OTOP2: variants seen among roughly 807,000 people sequenced by gnomAD.
OTOP2 encodes the protein otopetrin 2.
Under a neutral mutation model 47.4 loss-of-function variants are expected in OTOP2, and 41 were observed. The observed-to-expected ratio is 0.87, with a 90% CI of 0.67 to 1.12. OTOP2 has a LOEUF of 1.12. Among genes scored for constraint, OTOP2 ranks in the 50% most tolerant of loss-of-function variants. The probability of loss-of-function intolerance (pLI) is 0.00; values close to 1 mark genes in which losing one functional copy is unlikely to be tolerated. For synonymous variants in OTOP2, 328 were observed against 319.6 expected (o/e 1.03, Z -0.28); for missense variants, 721 against 752.2 (o/e 0.96, Z 0.49).
chr17:74,926,563 G>GA (rs779592267), intron 3 of OTOP2, among the ~76,000 whole-genome samples: 3,360 of 134,510 alleles, frequency 0.025, 105 homozygotes, highest in African/African-American at 0.077. Context: ...CTTGCTCCCA[G>GA]AAAAAAAAAA....
intron 5 of OTOP2, 90 bp downstream of exon 5, chr17:74,927,888 T>G: frequency 2.0e-6 from 3 of 1,489,542 alleles, no homozygotes; most frequent in Non-Finnish European, 2.7e-6. Context: ...TGTGCCCTCA[T>G]GAGGGCATAG....
chr17:74,931,016 C>A lies in OTOP2; in HGVS notation c.1381C>A (p.Pro461Thr). 1 of 1,614,184 alleles carries A rather than the reference C, an allele frequency of 6.2e-7. No individual in the cohort carries two copies. ...TGCCCTCCACACGTTGTCCGCCTGC[C>A]CACCCAACCCCGGGCTGGTTAGCCC... is the stretch of plus-strand genomic sequence containing the variant. The part of the protein sequence containing the change: ...LDALHTLSAC[P>T]PNPGLVSPSP... The change falls in exon 6 of 7, where the codon CCA becomes ACA. Residue 461 changes from proline (P) to threonine (T), a missense_variant. By Grantham distance (38) the Pro-to-Thr change is conservative. Transcript: ENST00000331427.
rs960100612 is a variant in OTOP2 at position 74,932,171 on chromosome 17, G to GA, written c.1518+1025dup. ...TACCTATGTGGGTACATCTCAAAGA[G>GA]AAAAAAACAATTCTAATGAAGTTTC... On this transcript the variant is annotated intron_variant, in intron 6 of 6. Coordinates refer to ENST00000331427, the MANE Select transcript of OTOP2 (RefSeq NM_178160.3). 1.6e-3 allele frequency among the ~76,000 whole-genome samples: 237 copies of GA among 152,028 alleles called. 3 individuals are homozygous for GA. The highest frequency in any genetic ancestry group is 6.2e-4 in the Non-Finnish European group (42 of 67,968).
chr17:74,928,278 G>A (rs926496111), intron 5 of OTOP2, among the ~76,000 whole-genome samples: 1 of 152,094 alleles, frequency 6.6e-6, no homozygotes, highest in African/African-American at 2.4e-5. Flanking sequence ...CTGGGAGGTC[G>A]AGACTGCAGT....
In OTOP2 at chr17:74,933,640, T is replaced by C. The variant is rs927299684; in HGVS notation, c.*95T>C. On this transcript the variant is annotated 3_prime_UTR_variant, in exon 7 of 7. Transcript: ENST00000331427. This position sits in a 1 kb window ranked among gnomAD's most constrained non-coding sequence, Gnocchi z 4.7. ...GGAATGAATCCCAGCTGGTGCCATA[T>C]GACAGCCCATTTCCTTCTGGTCCCA... 4 of 1,338,482 alleles carry C rather than the reference T, an allele frequency of 3.0e-6. 1 individual carries two copies. The Admixed American group carries it at 7.1e-5, about 24-fold the overall frequency. 82.9% of individuals were successfully genotyped at this position (1,338,482 alleles called of 1,614,324 possible).
chr17:74,930,035 T>A lies in OTOP2; in HGVS notation c.644-244T>A, dbSNP rs536941254. ...CTGTCTCTACTAAAAATATAAAAAT[T>A]AGCCAGGTGTGATGACAGGTGCCTG... On this transcript the variant is annotated intron_variant, in intron 5 of 6. Transcript: ENST00000331427. This position sits in a 1 kb window ranked among gnomAD's most constrained non-coding sequence, Gnocchi z 4.0. Among the ~76,000 whole-genome samples the A allele has an allele frequency of 2.5e-4, 38 of 152,200 alleles. No homozygotes were observed. The highest frequency in any genetic ancestry group is 8.9e-4 in the African/African-American group (37 of 41,552).
At position 74,924,801 on chromosome 17, in the gene OTOP2, G is replaced by A. The variant is rs769895619; in HGVS notation, c.169G>A (p.Val57Met). ...ISGGAFNKVA[V>M]YDTDVFALLT... The stretch of plus-strand genomic sequence containing the variant: ...CGGCGGAGCCTTCAACAAGGTGGCC[G>A]TGTACGACACCGACGTGTTCGCGCT... The change falls in exon 2 of 7, where the codon GTG becomes ATG. Residue 57 changes from valine to methionine, a missense_variant. Physicochemically the swap from Val to Met is conservative, Grantham distance 21 (BLOSUM62 1). Transcript: ENST00000331427. The surrounding 1 kb of genome is among the most constrained non-coding windows in gnomAD (Gnocchi z 7.7). 8 of 1,611,698 alleles carry A rather than the reference G, an allele frequency of 5.0e-6. No individual in the cohort carries two copies. Among genetic ancestry groups the A allele is most frequent in the Non-Finnish European group, 5.9e-6 (7 of 1,179,176 alleles).
At position 74,933,398 on chromosome 17, in the gene OTOP2, G is replaced by A; in HGVS notation, c.1542G>A (p.Gly514=). ...AGCTGTGGATCATGCCTGCCTTCGGGGCCCGCCCTCATTTCAGCAACACAG... is the reference window on the plus strand; with the variant it reads ...AGCTGTGGATCATGCCTGCCTTCGGAGCCCGCCCTCATTTCAGCAACACAG... ...NVILWIMPAF[G]ARPHFSNTVE... Residue 514 remains glycine (G), a synonymous_variant, in exon 7 of 7, where the codon GGG becomes GGA. Transcript: ENST00000331427. This position sits in a 1 kb window ranked among gnomAD's most constrained non-coding sequence, Gnocchi z 4.7. 6.2e-7 allele frequency: 1 copy of A among 1,612,136 alleles called. No homozygotes were observed. Among genetic ancestry groups the A allele is most frequent in the South Asian group, 1.1e-5 (1 of 90,944 alleles).
rs2038983608 is a variant in OTOP2 at position 74,924,414 on chromosome 17, C to T, written c.-34+81C>T. ...GTCCAACCGGGTGCTGCCGCTTCTC[C>T]TTTCTTCCCATCCAGCGAGAGGGGC... On this transcript the variant is annotated intron_variant, in intron 1 of 6. Transcript: ENST00000331427. This position sits in a 1 kb window ranked among gnomAD's most constrained non-coding sequence, Gnocchi z 7.7. 1 of 569,640 alleles carries T rather than the reference C, an allele frequency of 1.8e-6. No homozygotes were observed. Among genetic ancestry groups the T allele is most frequent in the Admixed American group, 3.5e-5 (1 of 28,394 alleles). The allele number at this position is 569,640 out of a possible 1,614,324, so 35.3% of individuals were successfully genotyped here.
intron 6 of OTOP2, among the ~76,000 whole-genome samples, chr17:74,931,481 C>G (rs2039058450): frequency 6.6e-6 from 1 of 152,186 alleles, no homozygotes; most frequent in Admixed American, 6.5e-5. Flanking sequence ...CCTCACCCCC[C>G]AGTGGGAGGT....
chr17:74,931,278 T>C, intron 6 of OTOP2, 125 bp downstream of exon 6: 1 of 1,322,578 alleles, frequency 7.6e-7, no homozygotes, highest in East Asian at 2.5e-5. Flanking sequence ...TACAGCTCTC[T>C]AGGAAAGGAG....
Position 74,927,295 on chromosome 17 carries a change from C to T in OTOP2, c.509+14C>T. ...GGATCTGACCTGGTGAGAACTGCAG[C>T]TCGATGCCTGTACCCAGCGTGCTGG... is the stretch of plus-strand genomic sequence containing the variant. On this transcript the variant is annotated intron_variant, in intron 4 of 6. Transcript: ENST00000331427. 6.2e-7 allele frequency: 1 copy of T among 1,609,064 alleles called. No individual in the cohort carries two copies. The highest frequency in any genetic ancestry group is 1.7e-5 in the Admixed American group (1 of 60,022).
chr17:74,933,396 G>A lies in OTOP2; in HGVS notation c.1540G>A (p.Gly514Arg), dbSNP rs1275396643. 12 of 1,610,554 alleles carry A rather than the reference G, an allele frequency of 7.5e-6. No homozygotes were observed. The highest frequency in any genetic ancestry group is 3.3e-5 in the Admixed American group (2 of 59,948). The change falls in exon 7 of 7, where the codon GGG becomes AGG. Residue 514 changes from glycine to arginine, a missense_variant. Physicochemically the swap from Gly to Arg is moderately radical, Grantham distance 125. Transcript: ENST00000331427. This position sits in a 1 kb window ranked among gnomAD's most constrained non-coding sequence, Gnocchi z 4.7. ...ACAGCTGTGGATCATGCCTGCCTTC[G>A]GGGCCCGCCCTCATTTCAGCAACAC... ...NVILWIMPAF[G>R]ARPHFSNTVE...
At position 74,930,925 on chromosome 17, in the gene OTOP2, C is replaced by A; in HGVS notation, c.1290C>A (p.Pro430=). Residue 430 remains proline, a synonymous_variant, in exon 6 of 7, where the codon CCC becomes CCA. Coordinates refer to ENST00000331427, the MANE Select transcript of OTOP2 (RefSeq NM_178160.3). This position sits in a 1 kb window ranked among gnomAD's most constrained non-coding sequence, Gnocchi z 4.0. The part of the protein sequence containing the change: ...FIIESLHRGP[P]GAEPHSTHPK... Reference sequence around the variant, plus strand: ...TCGAGAGCCTTCACCGAGGACCGCCCGGGGCTGAGCCTCACAGTACCCACC... The same window carrying A: ...TCGAGAGCCTTCACCGAGGACCGCCAGGGGCTGAGCCTCACAGTACCCACC... 6.2e-7 allele frequency: 1 copy of A among 1,614,088 alleles called. No individual in the cohort carries two copies. Among genetic ancestry groups the A allele is most frequent in the Non-Finnish European group, 8.5e-7 (1 of 1,180,024 alleles).
rs776164275 is a variant in OTOP2 at position 74,924,824 on chromosome 17, G to T, written c.192G>T (p.Ala64=). The T allele has an allele frequency of 2.5e-6, 4 of 1,610,774 alleles. No individual in the cohort carries two copies. The East Asian group carries it at 6.7e-5, about 27-fold the overall frequency. Residue 64 remains alanine, a synonymous_variant, in exon 2 of 7, where the codon GCG becomes GCT. Transcript: ENST00000331427. This position sits in a 1 kb window ranked among gnomAD's most constrained non-coding sequence, Gnocchi z 7.7. ...CCGTGTACGACACCGACGTGTTCGC[G>T]CTGCTCACTGCGATGATGCTGCTGG... ...KVAVYDTDVF[A]LLTAMMLLAT...
chr17:74,925,330 CTCAG>C (rs973302207), intron 2 of OTOP2, among the ~76,000 whole-genome samples: 5 of 152,064 alleles, frequency 3.3e-5, no homozygotes, highest in African/African-American at 1.2e-4. Context: ...CATCCACCCA[CTCAG>C]TCATACACTC....
At position 74,933,812 on chromosome 17, in the gene OTOP2, ATCTGGAGGTGCCG is replaced by A; in HGVS notation, c.*268_*280del. ...GGCAGCATTTCTAGGACCCAACAAG[ATCTGGAGGTGCCG>A]GCTCTGGTTCCATCTCTAATCCCCT... On this transcript the variant is annotated 3_prime_UTR_variant, in exon 7 of 7. Transcript: ENST00000331427. The surrounding 1 kb of genome is among the most constrained non-coding windows in gnomAD (Gnocchi z 4.7). 2.7e-6 allele frequency: 1 copy of A among 371,988 alleles called. No homozygotes were observed. The highest frequency in any genetic ancestry group is 7.2e-5 in the South Asian group (1 of 13,956). The allele number at this position is 371,988 out of a possible 1,614,324, so 23.0% of individuals were successfully genotyped here.
At position 74,931,047 on chromosome 17, in the gene OTOP2, C is replaced by G. The variant is rs1230094668; in HGVS notation, c.1412C>G (p.Pro471Arg). ...AACCCCGGGCTGGTTAGCCCCAGCC[C>G]TTCAGACCAGCGGGAAGCAGTGGCC... ...PPNPGLVSPSPSDQREAVAIV... is the reference protein window; with the variant it reads ...PPNPGLVSPSRSDQREAVAIV... Residue 471 changes from proline (P) to arginine (R), a missense_variant, in exon 6 of 7, where the codon CCT becomes CGT. Transcript: ENST00000331427. 1 of 1,614,102 alleles carries G rather than the reference C, an allele frequency of 6.2e-7. No individual in the cohort carries two copies. Among genetic ancestry groups the G allele is most frequent in the African/African-American group, 1.3e-5 (1 of 74,954 alleles).
chr17:74,933,241 C>A lies in OTOP2; in HGVS notation c.1519-134C>A. On this transcript the variant is annotated intron_variant, in intron 6 of 6. Coordinates refer to ENST00000331427, the MANE Select transcript of OTOP2 (RefSeq NM_178160.3). This position sits in a 1 kb window ranked among gnomAD's most constrained non-coding sequence, Gnocchi z 4.7. The stretch of plus-strand genomic sequence containing the variant: ...CCAAAATGCTAGAGCTGCCCATTCA[C>A]TGACACCCAGCCCTCCGTGTCCACC... 9.1e-7 allele frequency: 1 copy of A among 1,104,748 alleles called. No individual in the cohort carries two copies. Among genetic ancestry groups the A allele is most frequent in the South Asian group, 1.5e-5 (1 of 64,732 alleles). The allele number at this position is 1,104,748 out of a possible 1,614,324, so 68.4% of individuals were successfully genotyped here.
Sources: gnomAD v4.1 joint callset for allele counts (sites outside exome capture counted in the v4.1 genomes callset) on GRCh38, gnomAD v4.1.1 for gene constraint, Gnocchi (gnomAD v3.1) non-coding constraint, MANE v1.5 for transcripts, NCBI Gene and HGNC (gene_info 2026-07-23, HGNC 2026-07-21) for gene names.